The following MTMR1 variants were observed in gnomAD, a reference collection of about 807,000 sequenced individuals.
The protein encoded by MTMR1 is phosphatidylinositol-3-phosphate phosphatase MTMR1.
In MTMR1, 17 loss-of-function variants were observed where a neutral mutation model predicts 51.6. The ratio of observed to expected loss-of-function variants is 0.33; its 90% CI spans 0.23 to 0.49. The LOEUF is 0.49. Among genes scored for constraint, MTMR1 ranks in the 20% least tolerant of loss-of-function variants. The pLI, the probability that MTMR1 is intolerant of heterozygous loss-of-function variation, is 0.99. For synonymous variants in MTMR1, 201 were observed against 205.6 expected (o/e 0.98, Z 0.19); for missense variants, 386 against 526.9 (o/e 0.73, Z 2.62).
intron 14 of MTMR1, among the ~76,000 whole-genome samples, chrX:150,754,898 G>T (rs973134406): frequency 1.2e-4 from 13 of 109,831 alleles, no homozygotes; most frequent in Non-Finnish European, 2.1e-4. Context: ...GGTGGCGTGC[G>T]CCTGTAGTCC....
intron 2 of MTMR1, among the ~76,000 whole-genome samples, chrX:150,708,918 G>T (rs966987119): frequency 1.8e-5 from 2 of 111,494 alleles, no homozygotes; most frequent in Non-Finnish European, 3.8e-5. Context: ...CTGGAGCTGG[G>T]ATTTCACTCT....
Position 150,737,361 on chromosome X carries a change from A to G in MTMR1, c.1386A>G (p.Leu462=). 8.3e-7 allele frequency: 1 copy of G among 1,211,187 alleles called. No homozygotes were observed. Among genetic ancestry groups the G allele is most frequent in the South Asian group, 1.8e-5 (1 of 56,968 alleles). The change falls in exon 12 of 16, where the codon CTA becomes CTG. Residue 462 remains leucine (L), a synonymous_variant. Coordinates refer to ENST00000445323, the MANE Select transcript of MTMR1 (RefSeq NM_001306144.3). ...RTAQLTSLAM[L]MLDSYYRTIK... is the part of the protein sequence containing the mutation. ...CCCAGCTCACATCTCTGGCTATGCT[A>G]ATGTTGGACAGTTACTACAGGACCA...
At chrX:150,742,803 TGA>T (rs2042464572) in intron 12 of MTMR1, among the ~76,000 whole-genome samples, 1 of 72,754 alleles carries the variant, frequency 1.4e-5, no homozygotes, top group Admixed American at 2.1e-4. Context: ...GGCGACAGAG[TGA>T]GACTCCATCT....
intron 15 of MTMR1, among the ~76,000 whole-genome samples, chrX:150,760,275 T>A (rs2043058986): frequency 1.1e-5 from 1 of 91,261 alleles, no homozygotes; most frequent in Non-Finnish European, 2.3e-5. Flanking sequence ...TGACAGGGCC[T>A]GAGGAGCCAG....
chrX:150,727,097 T>A (rs1029590897), intron 4 of MTMR1, 118 bp from the exon 5 acceptor site: 3 of 455,864 alleles, frequency 6.6e-6, no homozygotes, highest in Admixed American at 8.0e-5. Context: ...TATAATCCTA[T>A]AAAATACAAA....
intron 14 of MTMR1, 179 bp downstream of exon 14, chrX:150,751,022 CT>C: frequency 8.6e-7 from 1 of 1,160,944 alleles, no homozygotes; most frequent in Non-Finnish European, 1.2e-6. Flanking sequence ...AAGCCCCTTC[CT>C]TTCTAGGCAT....
chrX:150,762,213 A>C (rs1332363924), intron 15 of MTMR1, among the ~76,000 whole-genome samples: 1 of 113,059 alleles, frequency 8.8e-6, no homozygotes, highest in Non-Finnish European at 1.9e-5. Flanking sequence ...CACAGTCTTT[A>C]GGACACTGCT....
chrX:150,743,782 T>C (rs1368409832), intron 12 of MTMR1, among the ~76,000 whole-genome samples: 1 of 112,528 alleles, frequency 8.9e-6, no homozygotes, highest in East Asian at 2.8e-4. Flanking sequence ...TCTATTGATA[T>C]CTTACAAAGT....
At chrX:150,760,650 G>A (rs549383375) in intron 15 of MTMR1, among the ~76,000 whole-genome samples, 7 of 112,198 alleles carry the variant, frequency 6.2e-5, no homozygotes, top group African/African-American at 2.3e-4. Context: ...TAGGCCAGGC[G>A]CGGTGGCTCA....
intron 15 of MTMR1, among the ~76,000 whole-genome samples, chrX:150,761,436 C>G (rs781860974): frequency 8.9e-6 from 1 of 112,598 alleles, no homozygotes; most frequent in African/African-American, 3.2e-5. Flanking sequence ...ACCATTGGCA[C>G]ACACGGTGGA....
chrX:150,730,046 G>A (rs1392192269), intron 6 of MTMR1, 63 bp from the exon 7 acceptor site: 18 of 653,735 alleles, frequency 2.8e-5, no homozygotes, highest in Non-Finnish European at 3.6e-5. Flanking sequence ...TTTATGGCAC[G>A]GTATCTGGCT....
intron 3 of MTMR1, among the ~76,000 whole-genome samples, chrX:150,716,210 T>A (rs782664164): frequency 8.9e-6 from 1 of 112,910 alleles, no homozygotes; most frequent in Admixed American, 9.3e-5. Context: ...TAAAATAGGC[T>A]TTAACAACGT....
At chrX:150,723,491 T>C (rs1391063470) in intron 4 of MTMR1, among the ~76,000 whole-genome samples, 2 of 109,965 alleles carry the variant, frequency 1.8e-5, no homozygotes, top group Non-Finnish European at 3.8e-5. Flanking sequence ...AGTGTTCCTA[T>C]TTCTCCACAT....
At chrX:150,702,938 T>TG (rs1209490006) in intron 2 of MTMR1, among the ~76,000 whole-genome samples, 1 of 111,796 alleles carries the variant, frequency 8.9e-6, no homozygotes, top group Non-Finnish European at 1.9e-5. Flanking sequence ...GATTGGCCTG[T>TG]TAATTAAGAC....
At chrX:150,723,444 T>G (rs1187014182) in intron 4 of MTMR1, among the ~76,000 whole-genome samples, 1 of 109,649 alleles carries the variant, frequency 9.1e-6, no homozygotes, top group East Asian at 2.9e-4. Context: ...ACTTCCACAA[T>G]GGTTGAACTA....
rs2043233599 is a variant in MTMR1, at chrX:150,764,415, TC to T, written c.*1688del. 1 of 112,392 alleles carries T rather than the reference TC, an allele frequency of 8.9e-6. No individual in the cohort carries two copies. Among genetic ancestry groups the T allele is most frequent in the African/African-American group, 3.2e-5 (1 of 30,868 alleles). The allele number at this position is 112,392 out of a possible 1,213,427, so 9.3% of individuals were successfully genotyped here. A position where few individuals can be genotyped will look rare whatever the true frequency, so the allele number is the denominator to read the frequency against. ...TCGTGTTCAACAATAGCTTTTATGT[TC>T]CTAACATATCTGAAAGCTTATTTAT... On this transcript the variant is annotated 3_prime_UTR_variant, in exon 16 of 16. Coordinates refer to ENST00000445323, the MANE Select transcript of MTMR1 (RefSeq NM_001306144.3).
intron 14 of MTMR1, among the ~76,000 whole-genome samples, chrX:150,753,017 CT>C (rs1350524468): frequency 9.0e-6 from 1 of 111,383 alleles, no homozygotes; most frequent in Admixed American, 9.6e-5. Context: ...TCCCCCACCC[CT>C]ATCCCCTAGC....
In MTMR1 at chrX:150,699,245, T is replaced by C; in HGVS notation, c.197T>C (p.Ile66Thr). 8.3e-7 allele frequency: 1 copy of C among 1,207,566 alleles called. No individual in the cohort carries two copies. ...TGTAAACAGCTTATAGCTGCTACAA[T>C]TTCTAGTCAGATTTCAGGTTCAGTG... ...EWCKQLIAATISSQISGSVTS... is the reference protein window; with the variant it reads ...EWCKQLIAATTSSQISGSVTS... The change falls in exon 2 of 16, where the codon ATT (isoleucine) becomes ACT (threonine). Residue 66 changes from isoleucine to threonine, a missense_variant. Physicochemically the swap from Ile to Thr is moderately conservative, Grantham distance 89 (BLOSUM62 -1). Coordinates refer to ENST00000445323, the MANE Select transcript of MTMR1 (RefSeq NM_001306144.3).
intron 15 of MTMR1, among the ~76,000 whole-genome samples, chrX:150,760,396 G>A (rs958357012): frequency 3.6e-5 from 4 of 111,209 alleles, no homozygotes; most frequent in South Asian, 3.8e-4. Context: ...GCAGTGGCTC[G>A]ATTGGCTGCC....
Sources: allele counts gnomAD v4.1 joint callset (sites outside exome capture counted in the v4.1 genomes callset), GRCh38; gene constraint gnomAD v4.1.1; transcripts MANE v1.5; gene names NCBI Gene and HGNC (gene_info 2026-07-23, HGNC 2026-07-21).